The following SPTSSB variants were observed in gnomAD, a reference collection of about 807,000 sequenced individuals.
SPTSSB encodes serine palmitoyltransferase small subunit B, also known as androgen down regulated in mouse prostate.
Under a neutral mutation model 7.7 loss-of-function variants are expected in SPTSSB, and 6 were observed. The ratio of observed to expected loss-of-function variants is 0.78; its 90% CI spans 0.43 to 1.54. The LOEUF is 1.54. SPTSSB is among the 40% of genes most tolerant of loss of function. SPTSSB has a pLI of 0.01. For synonymous variants in SPTSSB, 28 were observed against 29.7 expected (o/e 0.94, Z 0.19); for missense variants, 91 against 93.0 (o/e 0.98, Z 0.09).
At chr3:161,369,336 C>CTTTA (rs1169193489) in intron 1 of SPTSSB, among the ~76,000 whole-genome samples, 1 of 53,640 alleles carries the variant, frequency 1.9e-5, no homozygotes. Context: ...TTCTTTCTTT[C>CTTTA]TTTCTTTCTT....
chr3:161,348,284 AAAC>A (rs1257489154), intron 2 of SPTSSB, among the ~76,000 whole-genome samples: 2 of 126,990 alleles, frequency 1.6e-5, no homozygotes, highest in Non-Finnish European at 3.2e-5. Flanking sequence ...AAACAAAACA[AAAC>A]AAAACAAAAC....
chr3:161,363,669 G>A (rs1454597386), intron 1 of SPTSSB, among the ~76,000 whole-genome samples: 1 of 151,900 alleles, frequency 6.6e-6, no homozygotes, highest in Admixed American at 6.6e-5. Context: ...TTCTATGCAT[G>A]TTTTACTTTC....
chr3:161,369,328 CTTTCTT>C (rs1715383968), intron 1 of SPTSSB, among the ~76,000 whole-genome samples: 1 of 60,146 alleles, frequency 1.7e-5, no homozygotes, highest in African/African-American at 7.9e-5. Flanking sequence ...TTCTTTCTTT[CTTTCTT>C]TCTTTCTTTC....
chr3:161,369,236 G>T (rs1715352207), intron 1 of SPTSSB, among the ~76,000 whole-genome samples: 1 of 150,664 alleles, frequency 6.6e-6, no homozygotes, highest in Non-Finnish European at 1.5e-5. Context: ...TCTAACACTT[G>T]CTATTATCTC....
chr3:161,369,745 C>G (rs1715427084), intron 1 of SPTSSB, among the ~76,000 whole-genome samples: 1 of 152,106 alleles, frequency 6.6e-6, no homozygotes, highest in Non-Finnish European at 1.5e-5. Flanking sequence ...TCAGGGTATA[C>G]TGTAGACGAG....
chr3:161,346,264 A>G lies in SPTSSB; in HGVS notation c.60T>C (p.Ile20=), dbSNP rs1227008766. The G allele has an allele frequency of 6.2e-7, 1 of 1,614,030 alleles. No homozygotes were observed. The highest frequency in any genetic ancestry group is 8.5e-7 in the Non-Finnish European group (1 of 1,179,904). Reference sequence around the variant, plus strand: ...AGGGCTCTAAAACAGCACAGCAGCTAATGATTTGGTATTGATAGTAGAGCC... The same window carrying G: ...AGGGCTCTAAAACAGCACAGCAGCTGATGATTTGGTATTGATAGTAGAGCC... The part of the protein sequence containing the change: ...FSWLYYQYQI[I]SCCAVLEPWE... The change falls in exon 3 of 3, where the codon ATT becomes ATC. Residue 20 remains isoleucine (I), a synonymous_variant. Transcript: ENST00000620149.
chr3:161,360,523 A>G (rs1419620772), intron 1 of SPTSSB, among the ~76,000 whole-genome samples: 1 of 152,198 alleles, frequency 6.6e-6, no homozygotes, highest in Non-Finnish European at 1.5e-5. Context: ...GTGAGAATTA[A>G]ATGAGAAAAT....
Position 161,345,619 on chromosome 3 carries a change from G to T in SPTSSB, c.*474C>A, listed in dbSNP as rs1714183659. Reference sequence around the variant, plus strand: ...CAGTTTACTAGAAAATAAGACTTAGGGGGTCCATATAATTTATTCACATCT... The same window carrying T: ...CAGTTTACTAGAAAATAAGACTTAGTGGGTCCATATAATTTATTCACATCT... On this transcript the variant is annotated 3_prime_UTR_variant, in exon 3 of 3. Transcript: ENST00000620149. 1 of 152,998 alleles carries T rather than the reference G, an allele frequency of 6.5e-6. No homozygotes were observed. The highest frequency in any genetic ancestry group is 2.4e-5 in the African/African-American group (1 of 41,394). The allele number at this position is 152,998 out of a possible 1,614,324, so 9.5% of individuals were successfully genotyped here. A position where few individuals can be genotyped will look rare whatever the true frequency, so the allele number is the denominator to read the frequency against.
intron 1 of SPTSSB, among the ~76,000 whole-genome samples, chr3:161,365,408 T>A (rs1025803716): frequency 2.0e-5 from 3 of 152,194 alleles, no homozygotes; most frequent in African/African-American, 7.2e-5. Flanking sequence ...TAGGGAAGTG[T>A]AAGGTTCTCA....
chr3:161,365,803 T>A (rs569386932), intron 1 of SPTSSB, among the ~76,000 whole-genome samples: 91 of 152,330 alleles, frequency 6.0e-4, no homozygotes, highest in Non-Finnish European at 1.2e-3. Flanking sequence ...TTTAAGCCAT[T>A]ACTAAAAGCT....
intron 2 of SPTSSB, among the ~76,000 whole-genome samples, chr3:161,354,931 A>G (rs1714700122): frequency 6.6e-6 from 1 of 152,246 alleles, no homozygotes; most frequent in Admixed American, 6.5e-5. Flanking sequence ...GATTAATCTC[A>G]GTATTGTGTG....
chr3:161,352,909 T>A (rs1714607855), intron 2 of SPTSSB, among the ~76,000 whole-genome samples: 1 of 152,174 alleles, frequency 6.6e-6, no homozygotes, highest in South Asian at 2.1e-4. Context: ...TAGTTTTAAA[T>A]CCTATTGAAA....
intron 1 of SPTSSB, among the ~76,000 whole-genome samples, chr3:161,367,979 G>A (rs918213816): frequency 6.6e-6 from 1 of 152,186 alleles, no homozygotes; most frequent in Non-Finnish European, 1.5e-5. Context: ...AGTCCAAAAA[G>A]ATATAGCATT....
intron 2 of SPTSSB, among the ~76,000 whole-genome samples, chr3:161,353,542 A>G (rs1714638726): frequency 6.6e-6 from 1 of 151,640 alleles, no homozygotes; most frequent in African/African-American, 2.4e-5. Flanking sequence ...GGGCCACCAC[A>G]TACTGTTGTG....
At position 161,345,258 on chromosome 3, in the gene SPTSSB, G is replaced by A. The variant is rs1011199023; in HGVS notation, c.*835C>T. ...CAGCCTATTTATTAGCTTGTCTTCC[G>A]GTGGCCCAATACATGCTTTTTTCCC... is the stretch of plus-strand genomic sequence containing the variant. On this transcript the variant is annotated 3_prime_UTR_variant, in exon 3 of 3. Coordinates refer to ENST00000620149, the MANE Select transcript of SPTSSB (RefSeq NM_001040100.2). 4 of 152,430 alleles carry A rather than the reference G, an allele frequency of 2.6e-5. No individual in the cohort carries two copies. The highest frequency in any genetic ancestry group is 3.2e-3 in the Middle Eastern group (1 of 316). 9.4% of individuals were successfully genotyped at this position (152,430 alleles called of 1,614,324 possible).
intron 1 of SPTSSB, among the ~76,000 whole-genome samples, chr3:161,369,281 CT>C: frequency 7.9e-6 from 1 of 126,502 alleles, no homozygotes; most frequent in African/African-American, 3.4e-5. Flanking sequence ...TTTCTTCTTT[CT>C]TTCTTTTCTT....
At chr3:161,359,667 A>G (rs568391719) in intron 2 of SPTSSB, 135 bp downstream of exon 2, 40 of 917,570 alleles carry the variant, frequency 4.4e-5, no homozygotes, top group East Asian at 1.2e-4. Context: ...TCAAATGCCA[A>G]TATAATATCT....
chr3:161,370,967 T>G (rs1226882065), intron 1 of SPTSSB, among the ~76,000 whole-genome samples: 1 of 152,230 alleles, frequency 6.6e-6, no homozygotes, highest in African/African-American at 2.4e-5. Flanking sequence ...TTAAAATGTA[T>G]TCCTTGTTGG....
At chr3:161,349,969 T>A (rs1336404097) in intron 2 of SPTSSB, among the ~76,000 whole-genome samples, 1 of 152,104 alleles carries the variant, frequency 6.6e-6, no homozygotes. Flanking sequence ...GGGAGAAGAT[T>A]TGAGACTTAT....
Sources: allele counts gnomAD v4.1 joint callset (sites outside exome capture counted in the v4.1 genomes callset), GRCh38; gene constraint gnomAD v4.1.1; transcripts MANE v1.5; gene names NCBI Gene and HGNC (gene_info 2026-07-23, HGNC 2026-07-21).